SDK1: variants seen among roughly 807,000 people sequenced by gnomAD.
The protein encoded by SDK1 is protein sidekick-1.
SDK1 carries 157 observed loss-of-function variants against 245.5 expected under a neutral mutation model. The ratio of observed to expected loss-of-function variants is 0.64; its 90% confidence interval spans 0.56 to 0.73. SDK1 has a LOEUF of 0.73. Among genes scored for constraint, SDK1 ranks in the 30% least tolerant of loss-of-function variants. The pLI is 0.00. For synonymous variants in SDK1, 1,647 were observed against 1,278.5 expected (o/e 1.29, Z -6.15); for missense variants, 3,583 against 3,002.3 (o/e 1.19, Z -4.52).
chr7:3,809,074 C>T (rs1779321228), intron 4 of SDK1, among the ~76,000 whole-genome samples: 1 of 152,006 alleles, frequency 6.6e-6, no homozygotes, highest in Admixed American at 6.6e-5. Flanking sequence ...GTTGAATTGG[C>T]TCGTAGATCT....
intron 1 of SDK1, among the ~76,000 whole-genome samples, chr7:3,486,700 G>A (rs114006951): frequency 1.6e-4 from 24 of 152,176 alleles, no homozygotes; most frequent in African/African-American, 5.1e-4. Context: ...GTAGATAGAT[G>A]TAGAGATAGT....
intron 17 of SDK1, among the ~76,000 whole-genome samples, chr7:4,024,816 T>C (rs1159554382): frequency 4.6e-5 from 7 of 152,224 alleles, no homozygotes; most frequent in South Asian, 4.1e-4. Context: ...TACTACAGTT[T>C]ATGTTTTTTG....
At chr7:4,005,281 G>A (rs7786431) in intron 14 of SDK1, among the ~76,000 whole-genome samples, 111 of 151,792 alleles carry the variant, frequency 7.3e-4, no homozygotes, top group African/African-American at 2.5e-3. Context: ...TCTTGACGTC[G>A]TGATCCACCT....
intron 14 of SDK1, among the ~76,000 whole-genome samples, chr7:4,009,492 T>C (rs1785766128): frequency 6.6e-6 from 1 of 152,154 alleles, no homozygotes; most frequent in South Asian, 2.1e-4. Flanking sequence ...CTTCTGTAGG[T>C]AACTGGGAAT....
intron 1 of SDK1, among the ~76,000 whole-genome samples, chr7:3,319,673 A>G (rs930924207): frequency 6.6e-6 from 1 of 152,058 alleles, no homozygotes; most frequent in Non-Finnish European, 1.5e-5. Flanking sequence ...CAGGGTGTCT[A>G]GTGATGGCCT....
intron 4 of SDK1, among the ~76,000 whole-genome samples, chr7:3,715,969 T>C (rs188742157): frequency 5.0e-3 from 765 of 152,222 alleles, no homozygotes; most frequent in Non-Finnish European, 7.8e-3. Flanking sequence ...AAAGTGAAAG[T>C]GAGTGAATTG....
At chr7:4,226,796 G>A (rs1166995444) in intron 40 of SDK1, among the ~76,000 whole-genome samples, 1 of 152,176 alleles carries the variant, frequency 6.6e-6, no homozygotes, top group African/African-American at 2.4e-5. Flanking sequence ...CATTTTACTG[G>A]GTAGATCATG....
At chr7:4,087,440 T>C (rs1781494344) in intron 22 of SDK1, among the ~76,000 whole-genome samples, 1 of 151,388 alleles carries the variant, frequency 6.6e-6, no homozygotes, top group Non-Finnish European at 1.5e-5. Flanking sequence ...TGAGGCCTGC[T>C]TCCCCATAAC....
At chr7:3,533,293 G>A (rs59661971) in intron 1 of SDK1, among the ~76,000 whole-genome samples, 1 of 152,284 alleles carries the variant, frequency 6.6e-6, no homozygotes, top group East Asian at 1.9e-4. Context: ...GCTGAAGGAT[G>A]TGAGCTCTAC....
intron 17 of SDK1, among the ~76,000 whole-genome samples, chr7:4,041,469 A>G (rs1426867560): frequency 6.6e-6 from 1 of 152,050 alleles, no homozygotes; most frequent in Non-Finnish European, 1.5e-5. Context: ...CCCAAAATCC[A>G]TAGTTTACGT....
At chr7:4,142,576 C>T (rs1779654129) in intron 28 of SDK1, among the ~76,000 whole-genome samples, 1 of 152,182 alleles carries the variant, frequency 6.6e-6, no homozygotes, top group Non-Finnish European at 1.5e-5. Flanking sequence ...ATCCGCCCAC[C>T]TCGGCCTCCC....
At chr7:3,849,694 G>A (rs1286756151) in intron 5 of SDK1, among the ~76,000 whole-genome samples, 3 of 152,204 alleles carry the variant, frequency 2.0e-5, no homozygotes, top group Non-Finnish European at 1.5e-5. Flanking sequence ...GGCGTATTTT[G>A]ATAATAGATT....
intron 1 of SDK1, among the ~76,000 whole-genome samples, chr7:3,590,698 A>G (rs569347394): frequency 3.4e-4 from 51 of 152,216 alleles, no homozygotes; most frequent in Non-Finnish European, 6.2e-4. Flanking sequence ...TCACAAGGGA[A>G]ACCTTAAAAA....
At chr7:3,852,827 AAT>A (rs1159336792) in intron 5 of SDK1, among the ~76,000 whole-genome samples, 1 of 152,060 alleles carries the variant, frequency 6.6e-6, no homozygotes, top group Non-Finnish European at 1.5e-5. Flanking sequence ...AGGAAAGAAA[AAT>A]ATGTTTCTTT....
intron 5 of SDK1, among the ~76,000 whole-genome samples, chr7:3,836,670 C>A (rs1242094286): frequency 3.9e-5 from 6 of 152,346 alleles, no homozygotes; most frequent in Non-Finnish European, 8.8e-5. Flanking sequence ...AACAAAGAGG[C>A]AACCTCTCAT....
chr7:3,851,450 A>G (rs1283943095), intron 5 of SDK1, among the ~76,000 whole-genome samples: 1 of 152,208 alleles, frequency 6.6e-6, no homozygotes, highest in African/African-American at 2.4e-5. Flanking sequence ...TAGAAGCGTA[A>G]TATGCTTCTT....
intron 1 of SDK1, among the ~76,000 whole-genome samples, chr7:3,607,757 C>T (rs951460307): frequency 8.5e-5 from 13 of 152,210 alleles, no homozygotes; most frequent in African/African-American, 2.4e-4. Flanking sequence ...ATCCAGCATT[C>T]TGTAGGAAGA....
chr7:3,431,285 G>C (rs752195666), intron 1 of SDK1, among the ~76,000 whole-genome samples: 1 of 149,134 alleles, frequency 6.7e-6, no homozygotes, highest in Non-Finnish European at 1.5e-5. Context: ...AGTACCCCCA[G>C]ATCATAAAGT....
chr7:3,700,240 G>A (rs1784703143), intron 4 of SDK1, among the ~76,000 whole-genome samples: 1 of 152,172 alleles, frequency 6.6e-6, no homozygotes, highest in African/African-American at 2.4e-5. Flanking sequence ...TTTTTATTAA[G>A]ATGAGAGTTA....
Sources: gnomAD v4.1 joint callset for allele counts (sites outside exome capture counted in the v4.1 genomes callset) on GRCh38, gnomAD v4.1.1 for gene constraint, MANE v1.5 for transcripts, NCBI Gene and HGNC (gene_info 2026-07-23, HGNC 2026-07-21) for gene names.